MGLL: variants seen among roughly 807,000 people sequenced by gnomAD.
MGLL encodes lysophospholipase homolog.
MGLL carries 7 observed loss-of-function variants against 29.1 expected under a neutral mutation model. The ratio of observed to expected loss-of-function variants is 0.24; its 90% CI spans 0.14 to 0.45. The LOEUF (loss-of-function observed/expected upper bound fraction) is 0.45, where lower values mean the gene tolerates loss of function less well. MGLL is among the 20% of genes least tolerant of loss of function. MGLL has a pLI of 0.99. For synonymous variants in MGLL, 148 were observed against 168.3 expected (o/e 0.88, Z 0.93); for missense variants, 356 against 413.6 (o/e 0.86, Z 1.21).
At chr3:127,714,099 A>AT (rs2075770622) in intron 5 of MGLL, 1 of 151,902 alleles carries the variant, frequency 6.6e-6, no homozygotes, top group Non-Finnish European at 1.5e-5. Flanking sequence ...TAGGAAAAAA[A>AT]AAAAAAGAGG....
At chr3:127,735,736 G>A (rs770161263) in intron 3 of MGLL, 13 of 1,597,772 alleles carry the variant, frequency 8.1e-6, no homozygotes, top group South Asian at 5.5e-5. Flanking sequence ...GCACGTGCTC[G>A]CTCCCCGCCT....
chr3:127,737,771 A>C (rs1327473066), intron 3 of MGLL, among the ~76,000 whole-genome samples: 3 of 149,246 alleles, frequency 2.0e-5, no homozygotes, highest in African/African-American at 7.4e-5. Flanking sequence ...CAGCCTCCCA[A>C]GTAGCTGGGA....
Position 127,787,776 on chromosome 3 carries a change from C to T in MGLL, c.156-5881G>A, listed in dbSNP as rs139704686. 2.7e-3 allele frequency among the ~76,000 whole-genome samples: 407 copies of T among 152,388 alleles called. 3 individuals are homozygous for T. Among genetic ancestry groups the T allele is most frequent in the African/African-American group, 9.3e-3 (388 of 41,600 alleles). Reference sequence around the variant, plus strand: ...CCCACTCATTCGACTGGATCCCTCACTTCATCCTCCACTTCTACCAAACTC... The same window carrying T: ...CCCACTCATTCGACTGGATCCCTCATTTCATCCTCCACTTCTACCAAACTC... On this transcript the variant is annotated intron_variant, in intron 2 of 7. Coordinates refer to ENST00000265052, the MANE Select transcript of MGLL (RefSeq NM_007283.7).
intron 3 of MGLL, among the ~76,000 whole-genome samples, chr3:127,747,783 G>A (rs1034201891): frequency 2.6e-5 from 4 of 152,196 alleles, no homozygotes; most frequent in African/African-American, 9.6e-5. Context: ...CTGTCTCCAA[G>A]GTGACGCCCA....
Position 127,692,334 on chromosome 3 carries a change from G to A in MGLL, c.817-11C>T. ...GGCACCTTCATAAATCTGCAATGAG[G>A]AGAGACACGGAATCAGAGCTGCACC... On this transcript the variant is annotated splice_polypyrimidine_tract_variant and intron_variant, in intron 7 of 7. Transcript: ENST00000265052. The A allele has an allele frequency of 6.2e-7, 1 of 1,613,978 alleles. No individual in the cohort carries two copies. The highest frequency in any genetic ancestry group is 8.5e-7 in the Non-Finnish European group (1 of 1,179,988).
At chr3:127,698,123 A>T (rs543101757) in intron 6 of MGLL, among the ~76,000 whole-genome samples, 2 of 152,258 alleles carry the variant, frequency 1.3e-5, no homozygotes, top group East Asian at 3.9e-4. Context: ...CTGTTTACAC[A>T]ATGGCCTATT....
intron 3 of MGLL, among the ~76,000 whole-genome samples, chr3:127,768,937 G>A (rs948058265): frequency 6.6e-6 from 1 of 152,218 alleles, no homozygotes; most frequent in Non-Finnish European, 1.5e-5. Context: ...TGCTCCTGCT[G>A]TTGCTGGTTT....
At chr3:127,716,762 T>C (rs1223830348) in intron 5 of MGLL, among the ~76,000 whole-genome samples, 1 of 152,246 alleles carries the variant, frequency 6.6e-6, no homozygotes, top group Non-Finnish European at 1.5e-5. Flanking sequence ...CAGGCTGACC[T>C]GTGCGCAGGA....
At chr3:127,733,003 T>C (rs1258855036) in intron 3 of MGLL, among the ~76,000 whole-genome samples, 1 of 152,052 alleles carries the variant, frequency 6.6e-6, no homozygotes, top group Non-Finnish European at 1.5e-5. Flanking sequence ...GAACGGGGGC[T>C]GGGTAAAATG....
Sources: allele counts gnomAD v4.1 joint callset (sites outside exome capture counted in the v4.1 genomes callset), GRCh38; gene constraint gnomAD v4.1.1; transcripts MANE v1.5; gene names NCBI Gene and HGNC (gene_info 2026-07-23, HGNC 2026-07-21).